Variants in CCNT2 observed in about 807,000 individuals in gnomAD.
CCNT2 encodes cyclin T2, also known as cyclin-T2.
A neutral mutation model predicts 70.0 loss-of-function variants in CCNT2; 18 were observed. The observed-to-expected ratio is 0.26, with a 90% CI of 0.18 to 0.38. The LOEUF (loss-of-function observed/expected upper bound fraction) is 0.38, where lower values mean the gene tolerates loss of function less well. Ranked by LOEUF, CCNT2 falls within the 10% of genes least tolerant of loss-of-function variation. The probability of loss-of-function intolerance (pLI) is 1.00; values close to 1 mark genes in which losing one functional copy is unlikely to be tolerated. For missense variants in CCNT2, 734 were observed against 890.2 expected (o/e 0.82, Z 2.23); for synonymous variants, 334 against 313.3 (o/e 1.07, Z -0.70).
In CCNT2 at chr2:134,954,114, C is replaced by T. The variant is rs753628981; in HGVS notation, c.1659C>T (p.Ser553=). ...GKSKHSSPHI[S]RDHKEKHKEH... is the part of the protein sequence containing the mutation. ...GCAAACATTCAAGCCCACATATTAGCAGAGACCATAAGGAGAAGCACAAGG... is the reference window on the plus strand; with the variant it reads ...GCAAACATTCAAGCCCACATATTAGTAGAGACCATAAGGAGAAGCACAAGG... Residue 553 remains serine (S), a synonymous_variant, in exon 9 of 9, where the codon AGC becomes AGT. Transcript: ENST00000264157. 17 of 1,614,024 alleles carry T rather than the reference C, an allele frequency of 1.1e-5. No homozygotes were observed. The African/African-American group carries it at 2.3e-4, about 22-fold the overall frequency.
chr2:134,926,045 TG>T (rs1160643625), intron 2 of CCNT2, among the ~76,000 whole-genome samples: 6 of 151,898 alleles, frequency 4.0e-5, no homozygotes, highest in African/African-American at 1.5e-4. Flanking sequence ...TTTAATTTTT[TG>T]TAGAGACAGG....
Position 134,939,066 on chromosome 2 carries a change from C to T in CCNT2, c.430+4C>T, listed in dbSNP as rs770951188. On this transcript the variant is annotated splice_donor_region_variant and intron_variant, in intron 4 of 8. Transcript: ENST00000264157. ...ACCATAATGCTACAAACTCTAGGTA[C>T]GTACTTACATCAGATAATGGCTTTT... 29 of 1,594,870 alleles carry T rather than the reference C, an allele frequency of 1.8e-5. No individual in the cohort carries two copies. The highest frequency in any genetic ancestry group is 5.5e-5 in the South Asian group (5 of 90,360).
At chr2:134,942,950 C>G (rs1246155781) in intron 5 of CCNT2, 2 of 985,232 alleles carry the variant, frequency 2.0e-6, no homozygotes, top group African/African-American at 3.5e-5. Flanking sequence ...CCCCATTGAG[C>G]TTTGCTAGTC....
At chr2:134,943,944 T>G in intron 5 of CCNT2, 3 of 954,052 alleles carry the variant, frequency 3.1e-6, no homozygotes, top group Non-Finnish European at 3.7e-6. Flanking sequence ...ACCTAAGTAT[T>G]CTCACATTTT....
intron 4 of CCNT2, among the ~76,000 whole-genome samples, 195 bp from the exon 5 acceptor site, chr2:134,942,417 T>C (rs1294522848): frequency 6.6e-6 from 1 of 152,228 alleles, no homozygotes; most frequent in East Asian, 1.9e-4. Context: ...GTCTTTTAAC[T>C]TTATTTTCAT....
rs1346690525 is a variant in CCNT2, at chr2:134,954,293, G to A, written c.1838G>A (p.Ser613Asn). Residue 613 changes from serine (S) to asparagine (N), a missense_variant, in exon 9 of 9, where the codon AGC becomes AAC. Physicochemically the swap from Ser to Asn is conservative, Grantham distance 46. Coordinates refer to ENST00000264157, the MANE Select transcript of CCNT2 (RefSeq NM_058241.3). The stretch of plus-strand genomic sequence containing the variant: ...CTGAGCAGTGATGGCATTTCCTCTA[G>A]CTCCAGCTCTTCAAGGAAGAGGCTG... ...VGLSSDGISS[S>N]SSSSRKRLHV... 6.2e-7 allele frequency: 1 copy of A among 1,614,118 alleles called. No individual in the cohort carries two copies. Among genetic ancestry groups the A allele is most frequent in the South Asian group, 1.1e-5 (1 of 91,078 alleles).
chr2:134,952,217 G>A (rs185863699), intron 7 of CCNT2, among the ~76,000 whole-genome samples: 3 of 152,030 alleles, frequency 2.0e-5, no homozygotes, highest in Admixed American at 2.0e-4. Context: ...TTTTCTCTTT[G>A]TAATTAATAC....
chr2:134,920,504 C>T (rs995358729), intron 2 of CCNT2: 3 of 152,134 alleles, frequency 2.0e-5, no homozygotes, highest in African/African-American at 7.2e-5. Flanking sequence ...GTAAAATTTA[C>T]ACCTGAATAT....
intron 1 of CCNT2, 55 bp downstream of exon 1, chr2:134,919,067 G>C (rs989546988): frequency 1.3e-6 from 2 of 1,520,582 alleles, no homozygotes; most frequent in Middle Eastern, 3.6e-4. Context: ...CCGGTCGCCG[G>C]GCCTGGTGCC....
At chr2:134,936,689 G>A (rs1681177491) in intron 2 of CCNT2, 152 bp from the exon 3 acceptor site, 2 of 521,170 alleles carry the variant, frequency 3.8e-6, no homozygotes, top group Admixed American at 3.4e-5. Context: ...GGGAGGTGGA[G>A]CTTTCAGTGA....
intron 2 of CCNT2, among the ~76,000 whole-genome samples, chr2:134,920,761 C>G (rs1426513261): frequency 6.6e-6 from 1 of 151,918 alleles, no homozygotes; most frequent in Non-Finnish European, 1.5e-5. Context: ...AAAAATGGAC[C>G]AAAGAAGACT....
Position 134,954,742 on chromosome 2 carries a change from T to TA in CCNT2, c.*94_*95insA. 1 of 726,188 alleles carries TA rather than the reference T, an allele frequency of 1.4e-6. No individual in the cohort carries two copies. The allele number at this position is 726,188 out of a possible 1,614,324, so 45.0% of individuals were successfully genotyped here. A position where few individuals can be genotyped will look rare whatever the true frequency, so the allele number is the denominator to read the frequency against. On this transcript the variant is annotated 3_prime_UTR_variant, in exon 9 of 9. Coordinates refer to ENST00000264157, the MANE Select transcript of CCNT2 (RefSeq NM_058241.3). ...CTGATCTAGCAGTGGTAACCCCTGCTGTTGCTGCCACTGCTTCAATATTTG... is the reference window on the plus strand; with the variant it reads ...CTGATCTAGCAGTGGTAACCCCTGCTAGTTGCTGCCACTGCTTCAATATTTG...
chr2:134,943,010 T>C (rs1486419746), intron 5 of CCNT2: 5 of 985,318 alleles, frequency 5.1e-6, no homozygotes, highest in Non-Finnish European at 4.8e-6. Context: ...GAAAATAATA[T>C]TAATTTTGGG....
chr2:134,939,119 A>G (rs1012782286), intron 4 of CCNT2, 57 bp downstream of exon 4: 10 of 1,117,332 alleles, frequency 8.9e-6, no homozygotes, highest in Admixed American at 1.9e-5. Context: ...AGCATTCTAA[A>G]TAAGTGAAAA....
intron 2 of CCNT2, among the ~76,000 whole-genome samples, chr2:134,925,698 C>G (rs1228233361): frequency 6.6e-6 from 1 of 151,968 alleles, no homozygotes; most frequent in Non-Finnish European, 1.5e-5. Flanking sequence ...GATTGTTAGC[C>G]ACTTTTTGGC....
chr2:134,949,941 C>T (rs532099099), intron 7 of CCNT2, among the ~76,000 whole-genome samples: 31 of 152,092 alleles, frequency 2.0e-4, no homozygotes, highest in Non-Finnish European at 4.3e-4. Flanking sequence ...ATTACAGGTG[C>T]CTGCCACCAC....
Position 134,942,671 on chromosome 2 carries a change from A to C in CCNT2, c.490A>C (p.Arg164=). 1.2e-6 allele frequency: 2 copies of C among 1,607,604 alleles called. No homozygotes were observed. Among genetic ancestry groups the C allele is most frequent in the Non-Finnish European group, 1.7e-6 (2 of 1,176,906 alleles). Residue 164 remains arginine, a synonymous_variant, in exon 5 of 9, where the codon AGA becomes CGA. Transcript: ENST00000264157. ...TDVVKCTQLV[R]ASKDLAQTSY... ...TGTGGTGAAATGTACCCAGTTAGTAAGAGGTAGGTGATCCTTGAAACTTTT... is the reference window on the plus strand; with the variant it reads ...TGTGGTGAAATGTACCCAGTTAGTACGAGGTAGGTGATCCTTGAAACTTTT...
chr2:134,923,331 T>C (rs1392036501), intron 2 of CCNT2, among the ~76,000 whole-genome samples: 1 of 152,150 alleles, frequency 6.6e-6, no homozygotes. Context: ...CTTTTTCTCC[T>C]GTTCATTTCA....
rs1248229798 is a variant in CCNT2 at position 134,936,973 on chromosome 2, T to C, written c.369+4T>C. Reference sequence around the variant, plus strand: ...ACTGCTGGATACTAAATGTGATGTATGTAAATACTGGGTTTTTTATTTTTC... The same window carrying C: ...ACTGCTGGATACTAAATGTGATGTACGTAAATACTGGGTTTTTTATTTTTC... On this transcript the variant is annotated splice_donor_region_variant and intron_variant, in intron 3 of 8. Coordinates refer to ENST00000264157, the MANE Select transcript of CCNT2 (RefSeq NM_058241.3). The C allele has an allele frequency of 6.3e-7, 1 of 1,590,514 alleles. No homozygotes were observed. Among genetic ancestry groups the C allele is most frequent in the Non-Finnish European group, 8.6e-7 (1 of 1,167,460 alleles).
Sources: gnomAD v4.1 joint callset for allele counts (sites outside exome capture counted in the v4.1 genomes callset) on GRCh38, gnomAD v4.1.1 for gene constraint, MANE v1.5 for transcripts, NCBI Gene and HGNC (gene_info 2026-07-23, HGNC 2026-07-21) for gene names.